The following RPTOR variants were observed in gnomAD, a reference collection of about 807,000 sequenced individuals.
RPTOR encodes the protein regulatory-associated protein of mTOR.
A neutral mutation model predicts 169.9 loss-of-function variants in RPTOR; 21 were observed. The ratio of observed to expected loss-of-function variants is 0.12; its 90% CI spans 0.09 to 0.18. RPTOR has a LOEUF of 0.18. Among genes scored for constraint, RPTOR ranks in the 10% least tolerant of loss-of-function variants. RPTOR has a pLI of 1.00. For synonymous variants in RPTOR, 732 were observed against 753.2 expected (o/e 0.97, Z 0.46); for missense variants, 1,133 against 1,855.9 (o/e 0.61, Z 7.16).
At chr17:80,892,965 C>T in intron 19 of RPTOR, 96 bp downstream of exon 19, 2 of 1,452,256 alleles carry the variant, frequency 1.4e-6, no homozygotes, top group Non-Finnish European at 9.3e-7. Context: ...GCCCCTGCCC[C>T]TTCGTCTAAG....
chr17:80,931,654 C>A (rs894993720), intron 24 of RPTOR, among the ~76,000 whole-genome samples: 1 of 152,238 alleles, frequency 6.6e-6, no homozygotes, highest in Non-Finnish European at 1.5e-5. Context: ...CACAGAAGAA[C>A]TGCAAAAGAA....
intron 1 of RPTOR, among the ~76,000 whole-genome samples, chr17:80,570,838 C>G (rs193100561): frequency 6.6e-6 from 1 of 152,328 alleles, no homozygotes; most frequent in Admixed American, 6.5e-5. Context: ...TTATCCCCCC[C>G]AGTGGAGTTT....
intron 1 of RPTOR, among the ~76,000 whole-genome samples, chr17:80,591,851 C>T (rs906101165): frequency 1.3e-5 from 2 of 152,068 alleles, no homozygotes; most frequent in African/African-American, 2.4e-5. Context: ...AAAGATTGGG[C>T]GATAATAAAA....
chr17:80,546,439 C>A (rs568685698), intron 1 of RPTOR, among the ~76,000 whole-genome samples: 2 of 152,106 alleles, frequency 1.3e-5, no homozygotes, highest in South Asian at 4.2e-4. Context: ...TTAGGGTGTC[C>A]GCATGGTGTT....
intron 18 of RPTOR, among the ~76,000 whole-genome samples, 187 bp downstream of exon 18, chr17:80,892,024 A>G (rs2289766): frequency 0.21 from 32,542 of 152,104 alleles, 3,926 homozygotes; most frequent in South Asian, 0.41. Flanking sequence ...AAAGAGGGCC[A>G]CACTGACCCT....
chr17:80,597,217 G>A (rs761515188), intron 1 of RPTOR, among the ~76,000 whole-genome samples: 3 of 152,164 alleles, frequency 2.0e-5, no homozygotes, highest in Non-Finnish European at 2.9e-5. Context: ...GGAGAGCCTC[G>A]TAGAGGGGAT....
At chr17:80,657,948 T>A (rs958041763) in intron 3 of RPTOR, among the ~76,000 whole-genome samples, 1 of 152,200 alleles carries the variant, frequency 6.6e-6, no homozygotes, top group Non-Finnish European at 1.5e-5. Context: ...TAGTGATGTA[T>A]CAGAGAATAC....
At chr17:80,554,978 T>C (rs993181370) in intron 1 of RPTOR, among the ~76,000 whole-genome samples, 3 of 152,230 alleles carry the variant, frequency 2.0e-5, no homozygotes, top group Non-Finnish European at 2.9e-5. Context: ...ATATCAATTA[T>C]GTTTTTCTGT....
intron 17 of RPTOR, among the ~76,000 whole-genome samples, chr17:80,888,675 A>G (rs2068278374): frequency 6.6e-6 from 1 of 152,238 alleles, no homozygotes; most frequent in African/African-American, 2.4e-5. Flanking sequence ...GAAACTAACC[A>G]TGTGCTACAG....
At chr17:80,848,784 G>A (rs574517949) in intron 11 of RPTOR, among the ~76,000 whole-genome samples, 1 of 152,322 alleles carries the variant, frequency 6.6e-6, no homozygotes, top group South Asian at 2.1e-4. Flanking sequence ...AGTTCTTTTG[G>A]GTCCAGCAAA....
chr17:80,656,850 C>T (rs1425701101), intron 3 of RPTOR, among the ~76,000 whole-genome samples: 1 of 152,180 alleles, frequency 6.6e-6, no homozygotes, highest in Admixed American at 6.5e-5. Context: ...TCAGGGATGG[C>T]TAGTTCCTCT....
chr17:80,775,512 G>C (rs898947644), intron 6 of RPTOR, among the ~76,000 whole-genome samples: 8 of 152,208 alleles, frequency 5.3e-5, no homozygotes, highest in African/African-American at 1.9e-4. Context: ...CTAAAGTGCA[G>C]CAGAAGCAAG....
chr17:80,685,629 T>TATA (rs1433182285), intron 3 of RPTOR, among the ~76,000 whole-genome samples: 13 of 22,122 alleles, frequency 5.9e-4, no homozygotes, highest in African/African-American at 9.1e-4. Flanking sequence ...ATATATATAT[T>TATA]TTTTTTTTTT....
intron 3 of RPTOR, among the ~76,000 whole-genome samples, chr17:80,650,828 T>C (rs2065633677): frequency 1.3e-5 from 2 of 152,158 alleles, no homozygotes. Context: ...CCATCCTGCC[T>C]TATCTCTGGT....
intron 1 of RPTOR, among the ~76,000 whole-genome samples, chr17:80,550,201 C>A (rs1402571182): frequency 6.6e-6 from 1 of 152,188 alleles, no homozygotes; most frequent in Non-Finnish European, 1.5e-5. Flanking sequence ...TCCATATGGC[C>A]CCAGTTTGTT....
At chr17:80,557,135 G>A (rs1167764183) in intron 1 of RPTOR, among the ~76,000 whole-genome samples, 1 of 151,966 alleles carries the variant, frequency 6.6e-6, no homozygotes, top group Non-Finnish European at 1.5e-5. Context: ...CTCTTGAGAT[G>A]GATAAGAACA....
At chr17:80,684,569 C>T (rs190806628) in intron 3 of RPTOR, among the ~76,000 whole-genome samples, 116 of 151,954 alleles carry the variant, frequency 7.6e-4, no homozygotes, top group African/African-American at 2.5e-3. Flanking sequence ...CTCAGCCTCC[C>T]GAGTAGCTGG....
chr17:80,598,714 T>C (rs2065162251), intron 1 of RPTOR, among the ~76,000 whole-genome samples: 1 of 152,178 alleles, frequency 6.6e-6, no homozygotes, highest in Non-Finnish European at 1.5e-5. Context: ...GGAATCTGTG[T>C]TTTCCCTGCA....
chr17:80,964,349 C>A lies in RPTOR; in HGVS notation c.*19C>A, dbSNP rs112585631. 588 of 1,603,922 alleles carry A rather than the reference C, an allele frequency of 3.7e-4. 3 individuals are homozygous for A. In the African/African-American group the frequency reaches 6.6e-3, roughly 18 times the overall value. On this transcript the variant is annotated 3_prime_UTR_variant, in exon 34 of 34. Transcript: ENST00000306801. ...CAGATAGCGGCGTGACCCGGGCCCA[C>A]CAGGCCACGGCCGCCTGCTGTACAT...
Sources: gnomAD v4.1 joint callset for allele counts (sites outside exome capture counted in the v4.1 genomes callset) on GRCh38, gnomAD v4.1.1 for gene constraint, MANE v1.5 for transcripts, NCBI Gene and HGNC (gene_info 2026-07-23, HGNC 2026-07-21) for gene names.